Variants in LITAF observed in about 807,000 individuals in gnomAD.
The protein encoded by LITAF is lipopolysaccharide induced TNF factor.
A neutral mutation model predicts 14.5 loss-of-function variants in LITAF; 9 were observed. The ratio of observed to expected loss-of-function variants is 0.62; its 90% confidence interval spans 0.37 to 1.08. The LOEUF (loss-of-function observed/expected upper bound fraction) is 1.08, where lower values mean the gene tolerates loss of function less well. Ranked by LOEUF, LITAF falls within the 50% of genes least tolerant of loss-of-function variation. LITAF has a pLI of 0.01. For missense variants in LITAF, 206 were observed against 213.4 expected (o/e 0.97, Z 0.22); for synonymous variants, 98 against 88.2 (o/e 1.11, Z -0.62).
chr16:11,609,599 G>C (rs1021586814), intron 3 of LITAF, among the ~76,000 whole-genome samples: 2 of 152,196 alleles, frequency 1.3e-5, no homozygotes, highest in African/African-American at 4.8e-5. Flanking sequence ...AAGGGATAAA[G>C]GGAGCAAAGG....
In LITAF at chr16:11,569,422, TG is replaced by T. The variant is rs1000418020; in HGVS notation, c.-5-12688del. 8.5e-5 allele frequency among the ~76,000 whole-genome samples: 13 copies of T among 152,158 alleles called. No individual in the cohort carries two copies. In the South Asian group the frequency reaches 2.5e-3, roughly 29 times the overall value. On this transcript the variant is annotated intron_variant, in intron 1 of 3. Transcript: ENST00000622633. ...TGCCTGGCTAATTTTTAATTTTTTT[TG>T]TAGGGATGAGGTCTCGCCATGTTGC...
At chr16:11,588,146 G>A (rs1446662178), upstream of LITAF, among the ~76,000 whole-genome samples, 1 of 152,108 alleles carries the variant, frequency 6.6e-6, no homozygotes, top group East Asian at 1.9e-4. Flanking sequence ...GTTCTCCCAA[G>A]CATAGGAGGT....
chr16:11,619,535 G>A (rs191944553), intron 3 of LITAF, among the ~76,000 whole-genome samples: 2 of 151,890 alleles, frequency 1.3e-5, no homozygotes, highest in Non-Finnish European at 2.9e-5. Flanking sequence ...CAGCCACAGG[G>A]CATTCTTGGC....
intron 1 of LITAF, among the ~76,000 whole-genome samples, chr16:11,566,871 G>C (rs1225343498): frequency 6.6e-6 from 1 of 152,106 alleles, no homozygotes; most frequent in Admixed American, 6.5e-5. Flanking sequence ...CATAGAATCT[G>C]AGAAAACGAC....
At chr16:11,590,140 A>AAAG (rs1555471352), upstream of LITAF, among the ~76,000 whole-genome samples, 3 of 114,602 alleles carry the variant, frequency 2.6e-5, 1 homozygote, top group African/African-American at 1.2e-4. Flanking sequence ...AAAAAAAAAA[A>AAAG]AGAGAGAGAG....
chr16:11,614,382 C>T (rs1430441534), intron 3 of LITAF, among the ~76,000 whole-genome samples: 1 of 151,206 alleles, frequency 6.6e-6, no homozygotes, highest in African/African-American at 2.4e-5. Context: ...TCACTGCAAC[C>T]TCCACCTCCC....
Position 11,553,214 on chromosome 16 carries a change from T to A in LITAF, c.377+319A>T, listed in dbSNP as rs1323705193. Reference sequence around the variant, plus strand: ...TGGGCAGATCACCTGAGGTCAGGAGTTTGAGACCAGCCTGGCCAAGATGGT... The same window carrying A: ...TGGGCAGATCACCTGAGGTCAGGAGATTGAGACCAGCCTGGCCAAGATGGT... On this transcript the variant is annotated intron_variant, in intron 3 of 3. Coordinates refer to ENST00000622633, the MANE Select transcript of LITAF (RefSeq NM_001136472.2). The surrounding 1 kb of genome is among the most constrained non-coding windows in gnomAD (Gnocchi z 7.7). Among the ~76,000 whole-genome samples the A allele has an allele frequency of 2.7e-5, 4 of 150,278 alleles. No individual in the cohort carries two copies. Among genetic ancestry groups the A allele is most frequent in the South Asian group, 4.2e-4 (2 of 4,726 alleles).
rs1233148230 is a variant in LITAF, at chr16:11,548,744, G to C, written c.*893C>G. ...CAATCCCAGCACTTCGGGAGGCCAA[G>C]GCAGAAGGATCGCTTGAGCCCAGGA... On this transcript the variant is annotated 3_prime_UTR_variant, in exon 4 of 4. Transcript: ENST00000622633. 2.2e-6 allele frequency: 1 copy of C among 453,486 alleles called. No homozygotes were observed. Among genetic ancestry groups the C allele is most frequent in the Non-Finnish European group, 4.4e-6 (1 of 226,628 alleles). 28.1% of individuals were successfully genotyped at this position (453,486 alleles called of 1,614,324 possible).
At chr16:11,592,350 C>T (rs578206057) in intron 1 of LITAF, among the ~76,000 whole-genome samples, 14 of 151,964 alleles carry the variant, frequency 9.2e-5, no homozygotes, top group South Asian at 2.1e-4. Flanking sequence ...CTGAGGCGGG[C>T]GGCTCACCAG....
intron 3 of LITAF, among the ~76,000 whole-genome samples, chr16:11,630,570 C>CA (rs757019025): frequency 8.8e-6 from 1 of 114,246 alleles, no homozygotes; most frequent in African/African-American, 3.6e-5. Flanking sequence ...CCCTGGCCAA[C>CA]TTTTTTTTTT....
chr16:11,599,316 C>A (rs1437106903), upstream of LITAF, among the ~76,000 whole-genome samples: 1 of 152,100 alleles, frequency 6.6e-6, no homozygotes, highest in East Asian at 1.9e-4. Context: ...CGGGGTTTCA[C>A]CATGTTGGCC....
chr16:11,561,830 C>T (rs935240102), intron 1 of LITAF, among the ~76,000 whole-genome samples: 4 of 142,962 alleles, frequency 2.8e-5, no homozygotes, highest in Middle Eastern at 3.3e-3. Flanking sequence ...ACCCCCCCAA[C>T]TACGAAACTC....
At chr16:11,618,354 A>G (rs891546046) in intron 3 of LITAF, among the ~76,000 whole-genome samples, 1 of 152,142 alleles carries the variant, frequency 6.6e-6, no homozygotes, top group African/African-American at 2.4e-5. Context: ...CTGAATTTGT[A>G]ATCAGCCAGG....
chr16:11,592,055 T>C (rs1184278103), upstream of LITAF, among the ~76,000 whole-genome samples: 1 of 152,162 alleles, frequency 6.6e-6, no homozygotes, highest in African/African-American at 2.4e-5. Flanking sequence ...GTTTTATAAA[T>C]ATGAAAACAA....
upstream of LITAF, chr16:11,636,513 A>G (rs1305316430): frequency 6.6e-6 from 1 of 152,356 alleles, no homozygotes; most frequent in African/African-American, 2.4e-5. Context: ...GACTAGGTGT[A>G]CCTTTTGCAT....
chr16:11,586,669 G>C lies in LITAF; in HGVS notation c.-6+217C>G, dbSNP rs933184867. Among the ~76,000 whole-genome samples, 5 of 151,698 alleles carry C rather than the reference G, an allele frequency of 3.3e-5. No individual in the cohort carries two copies. The highest frequency in any genetic ancestry group is 1.2e-4 in the African/African-American group (5 of 41,518). Reference sequence around the variant, plus strand: ...AGGAGCTGAACCCAACCGGAGACGCGGCCGGGACCAGCGCTGGGAGGCCGG... The same window carrying C: ...AGGAGCTGAACCCAACCGGAGACGCCGCCGGGACCAGCGCTGGGAGGCCGG... On this transcript the variant is annotated intron_variant, in intron 1 of 3. Coordinates refer to ENST00000622633, the MANE Select transcript of LITAF (RefSeq NM_001136472.2). This position sits in a 1 kb window ranked among gnomAD's most constrained non-coding sequence, Gnocchi z 6.5.
chr16:11,568,264 G>A (rs913302468), intron 1 of LITAF, among the ~76,000 whole-genome samples: 9 of 151,380 alleles, frequency 5.9e-5, no homozygotes, highest in African/African-American at 2.2e-4. Flanking sequence ...CTCCAGCCTG[G>A]GCAACAGAGC....
upstream of LITAF, among the ~76,000 whole-genome samples, chr16:11,637,966 CTATATATCTA>C (rs1229224477): frequency 0.11 from 3,436 of 30,712 alleles, 649 homozygotes; most frequent in Middle Eastern, 0.21. Flanking sequence ...CTATATATAT[CTATATATCTA>C]TATATATCTA....
chr16:11,627,678 T>A (rs980684547), intron 3 of LITAF, among the ~76,000 whole-genome samples: 5 of 152,100 alleles, frequency 3.3e-5, no homozygotes, highest in African/African-American at 9.7e-5. Flanking sequence ...ACCCCATCTC[T>A]ACTAAAAATA....
Sources: allele counts gnomAD v4.1 joint callset (sites outside exome capture counted in the v4.1 genomes callset), GRCh38; gene constraint gnomAD v4.1.1; non-coding constraint Gnocchi (gnomAD v3.1); transcripts MANE v1.5; gene names NCBI Gene and HGNC (gene_info 2026-07-23, HGNC 2026-07-21).